Variants in RNF20 observed in about 807,000 individuals in gnomAD.
RNF20 encodes E3 ubiquitin-protein ligase BRE1A.
Under a neutral mutation model 126.2 loss-of-function variants are expected in RNF20, and 84 were observed. The ratio of observed to expected loss-of-function variants is 0.67; its 90% confidence interval spans 0.56 to 0.80. The LOEUF (loss-of-function observed/expected upper bound fraction) is 0.80. RNF20 is among the 30% of genes least tolerant of loss of function. The probability of loss-of-function intolerance (pLI) is 0.00; values close to 1 mark genes in which losing one functional copy is unlikely to be tolerated. For missense variants in RNF20, 869 were observed against 1,188.2 expected (o/e 0.73, Z 3.95); for synonymous variants, 400 against 414.3 (o/e 0.97, Z 0.42).
chr9:101,551,974 G>GT (rs1827453885), intron 11 of RNF20, among the ~76,000 whole-genome samples, 155 bp downstream of exon 11: 1 of 152,172 alleles, frequency 6.6e-6, no homozygotes, highest in African/African-American at 2.4e-5. Flanking sequence ...CTGGATGTTT[G>GT]TTTTTTAACT....
At chr9:101,557,681 G>A in intron 16 of RNF20, 85 bp downstream of exon 16, 2 of 1,081,264 alleles carry the variant, frequency 1.8e-6, no homozygotes, top group Non-Finnish European at 2.7e-6. Context: ...GATTATTGTG[G>A]CACATTTTTG....
At position 101,544,884 on chromosome 9, in the gene RNF20, A is replaced by G; in HGVS notation, c.746A>G (p.Glu249Gly). 1 of 1,595,870 alleles carries G rather than the reference A, an allele frequency of 6.3e-7. No homozygotes were observed. The highest frequency in any genetic ancestry group is 8.6e-7 in the Non-Finnish European group (1 of 1,163,502). The part of the protein sequence containing the change: ...LQEKHRTMSQ[E>G]FSKLQSKVET... ...GAAAAGCATCGCACCATGTCTCAGG[A>G]GGTACTTAACCAAAAAGGAGAGATG... The change falls in exon 6 of 20, where the codon GAG (glutamate) becomes GGG (glycine). Residue 249 changes from glutamate (E) to glycine (G), a missense_variant and splice_region_variant. Transcript: ENST00000389120.
rs1250075034 is a variant in RNF20 at position 101,552,363 on chromosome 9, T to C, written c.1531-20T>C. 6.2e-7 allele frequency: 1 copy of C among 1,606,676 alleles called. No individual in the cohort carries two copies. Among genetic ancestry groups the C allele is most frequent in the Non-Finnish European group, 8.5e-7 (1 of 1,175,190 alleles). ...GGTTATCATAAGAGATGTGCATCTT[T>C]CTTTTCTTTATTCTCCCAGACACGC... On this transcript the variant is annotated intron_variant, in intron 12 of 19. Transcript: ENST00000389120.
In RNF20 at chr9:101,535,679, T is replaced by C. The variant is rs565007829; in HGVS notation, c.129+127T>C. ...AAAAGAAGAGGGAAATAAAACAGGC[T>C]GAAAGTAGGTAAAATGATGTGGTAG... On this transcript the variant is annotated intron_variant, in intron 2 of 19. Transcript: ENST00000389120. 86 of 958,550 alleles carry C rather than the reference T, an allele frequency of 9.0e-5. No individual in the cohort carries two copies. In the South Asian group the frequency reaches 1.5e-3, roughly 16 times the overall value. 59.4% of individuals were successfully genotyped at this position (958,550 alleles called of 1,614,324 possible).
chr9:101,562,221 A>G, intron 19 of RNF20, 25 bp from the exon 20 acceptor site: 1 of 1,601,222 alleles, frequency 6.2e-7, no homozygotes, highest in South Asian at 1.1e-5. Flanking sequence ...ATGGTTGTTC[A>G]AACTCTGACA....
At chr9:101,544,253 A>G (rs1159281524) in intron 5 of RNF20, among the ~76,000 whole-genome samples, 3 of 152,230 alleles carry the variant, frequency 2.0e-5, no homozygotes, top group African/African-American at 7.2e-5. Flanking sequence ...TTCAGAATAT[A>G]TGATATGAGA....
chr9:101,535,687 G>A, intron 2 of RNF20, 135 bp downstream of exon 2: 1 of 895,412 alleles, frequency 1.1e-6, no homozygotes, highest in Non-Finnish European at 1.7e-6. Context: ...GCTGAAAGTA[G>A]GTAAAATGAT....
chr9:101,554,179 C>T (rs1047423761), intron 14 of RNF20, 74 bp downstream of exon 14: 25 of 810,848 alleles, frequency 3.1e-5, no homozygotes, highest in South Asian at 8.2e-5. Context: ...TACTTGCCAA[C>T]GATATAATTT....
intron 2 of RNF20, among the ~76,000 whole-genome samples, chr9:101,539,973 G>A (rs538466312): frequency 2.0e-5 from 3 of 152,138 alleles, no homozygotes; most frequent in East Asian, 1.9e-4. Flanking sequence ...CTAGAACAGC[G>A]AGATGGGTTG....
chr9:101,547,664 A>G, intron 9 of RNF20, 146 bp downstream of exon 9: 1 of 969,968 alleles, frequency 1.0e-6, no homozygotes, highest in South Asian at 1.7e-5. Context: ...ACTCTTAACA[A>G]ATTAGGTGTA....
intron 13 of RNF20, 117 bp downstream of exon 13, chr9:101,552,870 C>A: frequency 5.5e-6 from 6 of 1,092,802 alleles, no homozygotes; most frequent in Non-Finnish European, 7.7e-6. Context: ...TTAGATTGTA[C>A]AATTAATTTG....
At chr9:101,560,744 T>C (rs1006398758) in intron 16 of RNF20, 57 bp from the exon 17 acceptor site, 11 of 1,513,610 alleles carry the variant, frequency 7.3e-6, no homozygotes, top group Non-Finnish European at 8.9e-6. Context: ...AACAGAATAG[T>C]TTTTTTTCTT....
rs750745974 is a variant in RNF20, at chr9:101,547,539, G to C, written c.1092+21G>C. ...TGAAGGTAGGAACGCATCCCTGAAG[G>C]GCAGTAAAATCAGACGTTCTGCTGA... is the stretch of plus-strand genomic sequence containing the variant. On this transcript the variant is annotated intron_variant, in intron 9 of 19. Coordinates refer to ENST00000389120, the MANE Select transcript of RNF20 (RefSeq NM_019592.7). 4 of 1,613,104 alleles carry C rather than the reference G, an allele frequency of 2.5e-6. No homozygotes were observed. In the South Asian group the frequency reaches 3.3e-5, roughly 13 times the overall value.
chr9:101,547,012 T>C (rs899638883), intron 7 of RNF20, 46 bp downstream of exon 7: 84 of 1,610,584 alleles, frequency 5.2e-5, no homozygotes, highest in Non-Finnish European at 6.6e-5. Flanking sequence ...TTTTAAGGAG[T>C]GTTCTCAGGA....
intron 15 of RNF20, among the ~76,000 whole-genome samples, chr9:101,556,135 T>G (rs1008582961): frequency 6.6e-6 from 1 of 152,212 alleles, no homozygotes; most frequent in Admixed American, 6.5e-5. Flanking sequence ...ATGTTCAGTC[T>G]TTCTAAGTTT....
chr9:101,541,435 A>G (rs1352408507), intron 5 of RNF20, among the ~76,000 whole-genome samples: 1 of 152,230 alleles, frequency 6.6e-6, no homozygotes, highest in Non-Finnish European at 1.5e-5. Flanking sequence ...TCATTATGGC[A>G]TATTAATCTT....
chr9:101,543,545 T>A (rs1261659805), intron 5 of RNF20, among the ~76,000 whole-genome samples: 2 of 147,354 alleles, frequency 1.4e-5, no homozygotes, highest in African/African-American at 5.1e-5. Flanking sequence ...AGAGCGGAAC[T>A]GTCTAACCTG....
intron 6 of RNF20, among the ~76,000 whole-genome samples, chr9:101,545,201 A>T (rs368692995): frequency 6.6e-6 from 1 of 152,248 alleles, no homozygotes; most frequent in African/African-American, 2.4e-5. Context: ...TAATGCCATG[A>T]TTAAACCATG....
intron 5 of RNF20, among the ~76,000 whole-genome samples, chr9:101,542,160 G>A (rs917758910): frequency 6.6e-5 from 10 of 152,200 alleles, no homozygotes; most frequent in Non-Finnish European, 1.0e-4. Context: ...AGGGTAATTG[G>A]GCTAAGTTGT....
Sources: allele counts gnomAD v4.1 joint callset (sites outside exome capture counted in the v4.1 genomes callset), GRCh38; gene constraint gnomAD v4.1.1; transcripts MANE v1.5; gene names NCBI Gene and HGNC (gene_info 2026-07-23, HGNC 2026-07-21).